Variants in AFG2A observed in about 807,000 individuals in gnomAD.
The protein encoded by AFG2A is AAA ATPase AFG2A, also known as ATPase family gene 2 protein homolog A.
chr4:123,146,099 G>A, the AFG2A span, among the ~76,000 whole-genome samples: 4 of 152,114 alleles, frequency 2.6e-5, no homozygotes, highest in East Asian at 7.7e-4. Context: ...GATGCAAGAG[G>A]CCACTAAATA....
chr4:123,040,688 T>G, the AFG2A span, among the ~76,000 whole-genome samples: 802 of 152,336 alleles, frequency 5.3e-3, 7 homozygotes, highest in African/African-American at 0.018. Context: ...TTCAAAATCC[T>G]TAGAAGTATG....
chr4:123,086,134 C>T, the AFG2A span, among the ~76,000 whole-genome samples: 1 of 152,028 alleles, frequency 6.6e-6, no homozygotes, highest in Admixed American at 6.6e-5. Context: ...TTTATTTCTT[C>T]TTTCTCTTTC....
chr4:122,998,476 A>C, the AFG2A span, among the ~76,000 whole-genome samples: 2 of 149,324 alleles, frequency 1.3e-5, no homozygotes, highest in South Asian at 2.1e-4. Flanking sequence ...CCCACCCCAC[A>C]ACAGTCCCCA....
the AFG2A span, among the ~76,000 whole-genome samples, chr4:123,241,810 G>T: frequency 6.6e-6 from 1 of 152,156 alleles, no homozygotes; most frequent in South Asian, 2.1e-4. Context: ...AGAAACAAAG[G>T]TTATTCAATT....
chr4:123,029,519 A>G, the AFG2A span, among the ~76,000 whole-genome samples: 1 of 152,248 alleles, frequency 6.6e-6, no homozygotes, highest in Admixed American at 6.5e-5. Flanking sequence ...TTTAAGAATC[A>G]GTATCTTCAA....
chr4:123,128,923 T>G, the AFG2A span, among the ~76,000 whole-genome samples: 5 of 152,174 alleles, frequency 3.3e-5, no homozygotes, highest in Admixed American at 2.0e-4. Context: ...AAATACAAGG[T>G]TTAAAATGCT....
At chr4:122,954,466 C>T in the AFG2A span, among the ~76,000 whole-genome samples, 5 of 152,338 alleles carry the variant, frequency 3.3e-5, no homozygotes, top group Non-Finnish European at 7.3e-5. Context: ...AACAGGACCT[C>T]TATGGGCTTA....
the AFG2A span, among the ~76,000 whole-genome samples, chr4:123,003,998 G>A: frequency 2.0e-5 from 3 of 152,130 alleles, no homozygotes; most frequent in African/African-American, 4.8e-5. Context: ...TTACCTAAGC[G>A]AGCCTGAGCA....
At chr4:122,967,256 C>T in the AFG2A span, among the ~76,000 whole-genome samples, 214 of 151,984 alleles carry the variant, frequency 1.4e-3, no homozygotes, top group South Asian at 7.1e-3. Flanking sequence ...TAAAATTAGC[C>T]GGTGGTGGTA....
At chr4:122,923,282 C>G in the AFG2A span, 1 of 1,613,978 alleles carries the variant, frequency 6.2e-7, no homozygotes. Context: ...GGGACTCTGA[C>G]GGTGACCAAC....
the AFG2A span, among the ~76,000 whole-genome samples, chr4:123,105,468 C>T: frequency 6.6e-6 from 1 of 152,168 alleles, no homozygotes; most frequent in African/African-American, 2.4e-5. Context: ...GTAATATTGA[C>T]TTTCAAGTCT....
chr4:123,311,402 C>T, the AFG2A span, among the ~76,000 whole-genome samples: 11 of 151,914 alleles, frequency 7.2e-5, no homozygotes, highest in South Asian at 6.2e-4. Context: ...CCAAGGCGGG[C>T]GGATCACAAG....
At chr4:123,075,384 C>T in the AFG2A span, among the ~76,000 whole-genome samples, 1 of 149,936 alleles carries the variant, frequency 6.7e-6, no homozygotes, top group South Asian at 2.1e-4. Flanking sequence ...CTGTAACCTT[C>T]GCCTCCCAGG....
chr4:123,277,244 G>T, the AFG2A span, among the ~76,000 whole-genome samples: 3 of 152,102 alleles, frequency 2.0e-5, no homozygotes, highest in Non-Finnish European at 4.4e-5. Context: ...TGTGGCTATT[G>T]TGAGTGGGAT....
the AFG2A span, among the ~76,000 whole-genome samples, chr4:122,961,448 C>T: frequency 0.82 from 124,611 of 152,168 alleles, 52,533 homozygotes; most frequent in East Asian, 0.96. Context: ...AAATCTTGCC[C>T]GTCAGTAAGA....
chr4:123,107,543 C>T, the AFG2A span, among the ~76,000 whole-genome samples: 15 of 152,266 alleles, frequency 9.9e-5, no homozygotes, highest in African/African-American at 1.9e-4. Context: ...CACTCTGGGC[C>T]GAGGTCTCCA....
At chr4:123,138,360 T>G in the AFG2A span, among the ~76,000 whole-genome samples, 1 of 150,116 alleles carries the variant, frequency 6.7e-6, no homozygotes, top group Non-Finnish European at 1.5e-5. Context: ...ATAGTTATGT[T>G]TATGACAAAC....
chr4:123,000,449 G>T, the AFG2A span, among the ~76,000 whole-genome samples: 3 of 151,724 alleles, frequency 2.0e-5, no homozygotes, highest in African/African-American at 7.3e-5. Context: ...GTTTGTCATA[G>T]ATAGCTCTTA....
the AFG2A span, among the ~76,000 whole-genome samples, chr4:123,018,261 G>A: frequency 0.012 from 1,841 of 152,298 alleles, 42 homozygotes; most frequent in African/African-American, 0.041. Flanking sequence ...AAAGCCATAT[G>A]TGAGCAGCTG....
Sources: gnomAD v4.1 joint callset for allele counts (sites outside exome capture counted in the v4.1 genomes callset) on GRCh38, gnomAD v4.1.1 for gene constraint, MANE v1.5 for transcripts, NCBI Gene and HGNC (gene_info 2026-07-23, HGNC 2026-07-21) for gene names.